Variants in AKR1C8 observed in about 807,000 individuals in gnomAD.
AKR1C8 encodes the protein aldo-keto reductase family 1 member C8, also known as aldo-keto reductase family 1 member C-like protein 1.
the AKR1C8 span, among the ~76,000 whole-genome samples, chr10:5,140,364 A>G: frequency 2.0e-5 from 3 of 152,286 alleles, no homozygotes; most frequent in South Asian, 2.1e-4. Flanking sequence ...TTACTGCAGC[A>G]CTATTCACAA....
At chr10:5,123,812 A>T in the AKR1C8 span, 1 of 1,611,824 alleles carries the variant, frequency 6.2e-7, no homozygotes, top group East Asian at 2.2e-5. Flanking sequence ...GGTAAGGATG[A>T]CATTCCACCT....
At chr10:5,146,212 G>T in the AKR1C8 span, among the ~76,000 whole-genome samples, 1 of 119,290 alleles carries the variant, frequency 8.4e-6, no homozygotes, top group Non-Finnish European at 1.7e-5. Context: ...GGTGGGGGGA[G>T]GGGGGAGGGA....
the AKR1C8 span, chr10:5,161,985 A>G: frequency 2.7e-5 from 14 of 528,028 alleles, no homozygotes; most frequent in Admixed American, 2.8e-4. Flanking sequence ...GCAGTGACCA[A>G]AAGAAACAAA....
the AKR1C8 span, among the ~76,000 whole-genome samples, chr10:5,183,068 C>T: frequency 0.02 from 3,056 of 152,218 alleles, 102 homozygotes; most frequent in African/African-American, 0.069. Flanking sequence ...ACTTGCCATA[C>T]ATTTGTTATT....
chr10:5,151,114 C>T, the AKR1C8 span, among the ~76,000 whole-genome samples: 2 of 152,012 alleles, frequency 1.3e-5, no homozygotes, highest in East Asian at 1.9e-4. Context: ...GTGGGGGGCA[C>T]AAGACCGAAT....
At chr10:5,154,118 G>A in the AKR1C8 span, 9 of 465,678 alleles carry the variant, frequency 1.9e-5, no homozygotes, top group Non-Finnish European at 4.0e-5. Flanking sequence ...AAATTGTGGT[G>A]GTAATGTTCA....
the AKR1C8 span, among the ~76,000 whole-genome samples, chr10:5,172,556 G>A: frequency 6.6e-6 from 1 of 151,980 alleles, no homozygotes; most frequent in Non-Finnish European, 1.5e-5. Flanking sequence ...CACAAGCAAA[G>A]ATTATTTTGT....
the AKR1C8 span, among the ~76,000 whole-genome samples, chr10:5,183,373 C>T: frequency 1.2e-4 from 18 of 152,106 alleles, no homozygotes; most frequent in Non-Finnish European, 1.9e-4. Flanking sequence ...ACAGACATAA[C>T]TATAACTACC....
the AKR1C8 span, among the ~76,000 whole-genome samples, chr10:5,127,317 G>A: frequency 1.3e-5 from 2 of 152,058 alleles, no homozygotes; most frequent in Non-Finnish European, 2.9e-5. Flanking sequence ...GCACATTTAG[G>A]GAAATACAAA....
At chr10:5,158,207 G>C in the AKR1C8 span, among the ~76,000 whole-genome samples, 2 of 152,128 alleles carry the variant, frequency 1.3e-5, no homozygotes, top group Non-Finnish European at 2.9e-5. Flanking sequence ...TAGTTTCCTA[G>C]CAATGAGAAG....
the AKR1C8 span, among the ~76,000 whole-genome samples, chr10:5,145,864 T>G: frequency 2.6e-5 from 4 of 152,054 alleles, no homozygotes; most frequent in African/African-American, 7.2e-5. Context: ...ACCCAAAGGA[T>G]TATAAATCAT....
At chr10:5,130,435 G>T in the AKR1C8 span, among the ~76,000 whole-genome samples, 1 of 151,730 alleles carries the variant, frequency 6.6e-6, no homozygotes, top group Non-Finnish European at 1.5e-5. Flanking sequence ...GAGAAATCAA[G>T]AAAGAAAAAG....
At chr10:5,167,585 G>C in the AKR1C8 span, among the ~76,000 whole-genome samples, 849 of 152,288 alleles carry the variant, frequency 5.6e-3, 8 homozygotes, top group African/African-American at 0.02. Context: ...ATTGAACAAT[G>C]AGAACACATG....
At chr10:5,148,027 T>A in the AKR1C8 span, among the ~76,000 whole-genome samples, 1 of 152,138 alleles carries the variant, frequency 6.6e-6, no homozygotes. Context: ...GGTTTGAAAC[T>A]CCCCTCCTTT....
the AKR1C8 span, among the ~76,000 whole-genome samples, chr10:5,144,590 A>G: frequency 3.3e-5 from 5 of 151,664 alleles, no homozygotes; most frequent in South Asian, 2.1e-4. Flanking sequence ...GGTCCTTCAC[A>G]TCCCTTGTAA....
At chr10:5,145,060 A>G in the AKR1C8 span, among the ~76,000 whole-genome samples, 1 of 151,892 alleles carries the variant, frequency 6.6e-6, no homozygotes, top group Non-Finnish European at 1.5e-5. Flanking sequence ...TACCTAATTT[A>G]TTGAGAGTTT....
At chr10:5,122,896 G>A in the AKR1C8 span, among the ~76,000 whole-genome samples, 3 of 151,964 alleles carry the variant, frequency 2.0e-5, no homozygotes, top group Non-Finnish European at 2.9e-5. Flanking sequence ...AAAACTCTAA[G>A]AGAATATATG....
the AKR1C8 span, among the ~76,000 whole-genome samples, chr10:5,145,345 T>C: frequency 4.8e-3 from 728 of 152,004 alleles, 13 homozygotes; most frequent in African/African-American, 0.017. Flanking sequence ...AATTGACAAA[T>C]GGGATCTAAT....
chr10:5,158,517 A>G, the AKR1C8 span: 4 of 407,972 alleles, frequency 9.8e-6, no homozygotes, highest in South Asian at 5.6e-5. Flanking sequence ...TTATAATACA[A>G]TTTTTAAAAC....
Sources: allele counts gnomAD v4.1 joint callset (sites outside exome capture counted in the v4.1 genomes callset), GRCh38; gene constraint gnomAD v4.1.1; transcripts MANE v1.5; gene names NCBI Gene and HGNC (gene_info 2026-07-23, HGNC 2026-07-21).